The following ZNF136 variants were observed in gnomAD, a reference collection of about 807,000 sequenced individuals.
ZNF136 encodes the protein zinc finger protein 136 (clone pHZ-20).
A neutral mutation model predicts 11.4 loss-of-function variants in ZNF136; 8 were observed. The observed-to-expected ratio is 0.70, with a 90% CI of 0.41 to 1.27. The LOEUF is 1.27. Ranked by LOEUF, ZNF136 falls within the 50% of genes most tolerant of loss-of-function variation. The pLI, the probability that ZNF136 is intolerant of heterozygous loss-of-function variation, is 0.01. For missense variants in ZNF136, 590 were observed against 656.5 expected, an observed-to-expected ratio of 0.90 and a Z score of 1.11; for synonymous variants, 190 against 207.1, an observed-to-expected ratio of 0.92 and a Z score of 0.71.
rs755265766 is a variant in ZNF136 at position 12,187,246 on chromosome 19, A to G, written c.868A>G (p.Ser290Gly). 2 of 1,613,922 alleles carry G rather than the reference A, an allele frequency of 1.2e-6. No homozygotes were observed. The highest frequency in any genetic ancestry group is 1.3e-5 in the African/African-American group (1 of 74,924). ...FKCKQCGKAFSCSPTLRIHER... is the reference protein window; with the variant it reads ...FKCKQCGKAFGCSPTLRIHER... ...ATGTAAGCAATGTGGTAAAGCCTTC[A>G]GTTGTTCCCCAACCTTACGAATACA... The change falls in exon 4 of 4, where the codon AGT becomes GGT. Residue 290 changes from serine (S) to glycine (G), a missense_variant. By Grantham distance (56) the Ser-to-Gly change is moderately conservative. Transcript: ENST00000343979.
At chr19:12,168,719 A>G (rs1914556323) in intron 1 of ZNF136, among the ~76,000 whole-genome samples, 1 of 151,400 alleles carries the variant, frequency 6.6e-6, no homozygotes, top group South Asian at 2.1e-4. Context: ...CTTGTTGCCC[A>G]GGCTGGAATG....
intron 1 of ZNF136, among the ~76,000 whole-genome samples, chr19:12,175,912 A>T (rs1303534475): frequency 6.6e-6 from 1 of 152,148 alleles, no homozygotes; most frequent in Non-Finnish European, 1.5e-5. Context: ...AGTCTTTTCA[A>T]AGTTGTTTCT....
intron 1 of ZNF136, among the ~76,000 whole-genome samples, chr19:12,178,655 C>G (rs916548693): frequency 6.6e-6 from 1 of 151,992 alleles, no homozygotes; most frequent in African/African-American, 2.4e-5. Flanking sequence ...ATCAGATCAA[C>G]TTTATAATAA....
In ZNF136 at chr19:12,165,565, C is replaced by A. The variant is rs556584519; in HGVS notation, c.3+2359C>A. Among the ~76,000 whole-genome samples the A allele has an allele frequency of 5.9e-5, 9 of 152,238 alleles. No individual in the cohort carries two copies. The Middle Eastern group carries it at 0.01, about 173-fold the overall frequency. Reference sequence around the variant, plus strand: ...TTTCTCCATATTTTGGAGTAATTATCTGCATGATATGTGTAGGTGCTGTGG... The same window carrying A: ...TTTCTCCATATTTTGGAGTAATTATATGCATGATATGTGTAGGTGCTGTGG... On this transcript the variant is annotated intron_variant, in intron 1 of 3. Transcript: ENST00000343979.
chr19:12,171,816 G>T (rs62109831), intron 1 of ZNF136, among the ~76,000 whole-genome samples: 1,710 of 151,778 alleles, frequency 0.011, 17 homozygotes, highest in Middle Eastern at 0.031. Flanking sequence ...TAATTTTCTT[G>T]TAAGAGAACA....
chr19:12,184,306 A>T (rs1328046031), intron 1 of ZNF136, among the ~76,000 whole-genome samples: 1 of 151,548 alleles, frequency 6.6e-6, no homozygotes, highest in East Asian at 1.9e-4. Context: ...CACGCCTGTA[A>T]TCCCAGCACT....
rs182304657 is a variant in ZNF136, at chr19:12,183,096, G to A, written c.4-2689G>A. ...TCCCCCCAGAACATATATGCAGTAA[G>A]TTTCTCAGGTCTGTTCTTTTTTGTG... On this transcript the variant is annotated intron_variant, in intron 1 of 3. Coordinates refer to ENST00000343979, the MANE Select transcript of ZNF136 (RefSeq NM_003437.5). Among the ~76,000 whole-genome samples, 668 of 152,000 alleles carry A rather than the reference G, an allele frequency of 4.4e-3. 3 individuals are homozygous for A. Among genetic ancestry groups the A allele is most frequent in the African/African-American group, 0.015 (636 of 41,476 alleles).
intron 1 of ZNF136, among the ~76,000 whole-genome samples, chr19:12,177,898 G>A (rs1000385903): frequency 1.3e-5 from 2 of 152,048 alleles, no homozygotes; most frequent in Admixed American, 6.6e-5. Flanking sequence ...GCCAGATCTC[G>A]GGAGTCTGAG....
chr19:12,186,593 A>G lies in ZNF136; in HGVS notation c.215A>G (p.Tyr72Cys), dbSNP rs755980404. The stretch of plus-strand genomic sequence containing the variant: ...AGAAGTCATATGTTAGAAAGACTCT[A>G]TCAAACTAAGGATGGTAGTCAGCGT... ...NLRSHMLERLYQTKDGSQRGG... is the reference protein window; with the variant it reads ...NLRSHMLERLCQTKDGSQRGG... The change falls in exon 4 of 4, where the codon TAT becomes TGT. Residue 72 changes from tyrosine (Y) to cysteine (C), a missense_variant. Coordinates refer to ENST00000343979, the MANE Select transcript of ZNF136 (RefSeq NM_003437.5). The G allele has an allele frequency of 7.4e-6, 12 of 1,612,684 alleles. No individual in the cohort carries two copies. The highest frequency in any genetic ancestry group is 4.0e-5 in the African/African-American group (3 of 74,902).
chr19:12,186,773 A>G lies in ZNF136; in HGVS notation c.395A>G (p.Tyr132Cys). 6.2e-7 allele frequency: 1 copy of G among 1,614,220 alleles called. No individual in the cohort carries two copies. Among genetic ancestry groups the G allele is most frequent in the Non-Finnish European group, 8.5e-7 (1 of 1,180,024 alleles). The change falls in exon 4 of 4, where the codon TAT (tyrosine) becomes TGT (cysteine). Residue 132 changes from tyrosine (Y) to cysteine (C), a missense_variant. Tyr to Cys is a radical substitution (Grantham distance 194). Coordinates refer to ENST00000343979, the MANE Select transcript of ZNF136 (RefSeq NM_003437.5). ...KDHSGHEPKEYQEYGEKPDTR... is the reference protein window; with the variant it reads ...KDHSGHEPKECQEYGEKPDTR... ...CACAGTGGACATGAACCAAAGGAAT[A>G]TCAGGAATATGGAGAGAAGCCAGAT... is the stretch of plus-strand genomic sequence containing the variant.
At chr19:12,183,373 T>C (rs973043667) in intron 1 of ZNF136, among the ~76,000 whole-genome samples, 14 of 152,130 alleles carry the variant, frequency 9.2e-5, no homozygotes, top group African/African-American at 3.4e-4. Flanking sequence ...TGAGCTCAAG[T>C]GATCCTCCTA....
At chr19:12,184,052 G>A (rs975870953) in intron 1 of ZNF136, among the ~76,000 whole-genome samples, 4 of 151,622 alleles carry the variant, frequency 2.6e-5, no homozygotes, top group African/African-American at 2.4e-5. Context: ...AGATACTTGC[G>A]GTCAGGAGTT....
chr19:12,172,239 G>A (rs1008389454), intron 1 of ZNF136, among the ~76,000 whole-genome samples: 1 of 152,108 alleles, frequency 6.6e-6, no homozygotes, highest in Non-Finnish European at 1.5e-5. Flanking sequence ...GTGAGCCACT[G>A]TGCCTGGCTG....
At position 12,182,086 on chromosome 19, in the gene ZNF136, C is replaced by T. The variant is rs528876709; in HGVS notation, c.4-3699C>T. 2.0e-3 allele frequency among the ~76,000 whole-genome samples: 303 copies of T among 151,916 alleles called. 1 individual carries two copies. The highest frequency in any genetic ancestry group is 6.8e-3 in the African/African-American group (282 of 41,236). Reference sequence around the variant, plus strand: ...CATGCCCAGCTGACTATTTGTCCTTCCTTCTCCATTAGAGAAAGATGTCAT... The same window carrying T: ...CATGCCCAGCTGACTATTTGTCCTTTCTTCTCCATTAGAGAAAGATGTCAT... On this transcript the variant is annotated intron_variant, in intron 1 of 3. Transcript: ENST00000343979.
chr19:12,176,999 T>G (rs1914813183), intron 1 of ZNF136, among the ~76,000 whole-genome samples: 1 of 152,184 alleles, frequency 6.6e-6, no homozygotes, highest in Non-Finnish European at 1.5e-5. Flanking sequence ...TGGAATGCTT[T>G]TATTTCATTT....
At chr19:12,165,287 A>T (rs1267159794) in intron 1 of ZNF136, among the ~76,000 whole-genome samples, 4 of 152,168 alleles carry the variant, frequency 2.6e-5, no homozygotes. Context: ...GTTCCAACTG[A>T]TAGATAAGAT....
chr19:12,187,072 G>A lies in ZNF136; in HGVS notation c.694G>A (p.Ala232Thr). Residue 232 changes from alanine to threonine, a missense_variant, in exon 4 of 4, where the codon GCC becomes ACC. Physicochemically the swap from Ala to Thr is moderately conservative, Grantham distance 58. Transcript: ENST00000343979. The part of the protein sequence containing the change: ...KPYECQECGK[A>T]FTCITSVRRH... ...CTATGAATGTCAGGAATGTGGAAAAGCCTTCACTTGTATCACAAGTGTTCG... is the reference window on the plus strand; with the variant it reads ...CTATGAATGTCAGGAATGTGGAAAAACCTTCACTTGTATCACAAGTGTTCG... The A allele has an allele frequency of 1.9e-6, 3 of 1,614,110 alleles. No individual in the cohort carries two copies. Among genetic ancestry groups the A allele is most frequent in the Non-Finnish European group, 1.7e-6 (2 of 1,180,014 alleles).
In ZNF136 at chr19:12,163,145, T is replaced by C; in HGVS notation, c.-59T>C. On this transcript the variant is annotated 5_prime_UTR_variant, in exon 1 of 4. Coordinates refer to ENST00000343979, the MANE Select transcript of ZNF136 (RefSeq NM_003437.5). ...CTCGCCTGGAGTCTCTGTGGCGCGG[T>C]TTCCTGTACCTGCCTTGGGATCCGG... is the stretch of plus-strand genomic sequence containing the variant. 1 of 1,389,316 alleles carries C rather than the reference T, an allele frequency of 7.2e-7. No individual in the cohort carries two copies. Among genetic ancestry groups the C allele is most frequent in the South Asian group, 1.9e-5 (1 of 53,700 alleles). 86.1% of individuals were successfully genotyped at this position (1,389,316 alleles called of 1,614,324 possible).
At chr19:12,168,135 C>T (rs546002054) in intron 1 of ZNF136, among the ~76,000 whole-genome samples, 3 of 129,290 alleles carry the variant, frequency 2.3e-5, no homozygotes, top group South Asian at 2.6e-4. Context: ...TGCAGTGGCG[C>T]GATCCCGGCT....
Sources: gnomAD v4.1 joint callset for allele counts (sites outside exome capture counted in the v4.1 genomes callset) on GRCh38, gnomAD v4.1.1 for gene constraint, MANE v1.5 for transcripts, NCBI Gene and HGNC (gene_info 2026-07-23, HGNC 2026-07-21) for gene names.